Variants in ADAMTS2 observed in about 807,000 individuals in gnomAD.
ADAMTS2 encodes ADAM metallopeptidase with thrombospondin type 1 motif 2.
ADAMTS2 carries 50 observed loss-of-function variants against 123.0 expected under a neutral mutation model. The ratio of observed to expected loss-of-function variants is 0.41; its 90% CI spans 0.32 to 0.51. ADAMTS2 has a LOEUF of 0.51. Among genes scored for constraint, ADAMTS2 ranks in the 20% least tolerant of loss-of-function variants. The pLI is 0.35. For missense variants in ADAMTS2, 1,494 were observed against 1,705.2 expected (o/e 0.88, Z 2.18); for synonymous variants, 678 against 695.4 (o/e 0.98, Z 0.39).
intron 4 of ADAMTS2, among the ~76,000 whole-genome samples, chr5:179,199,505 C>T (rs768346598): frequency 6.6e-6 from 1 of 152,212 alleles, no homozygotes; most frequent in Non-Finnish European, 1.5e-5. Flanking sequence ...TGGAGCAGTG[C>T]ACCAGTAGGA....
At position 179,155,875 on chromosome 5, in the gene ADAMTS2, C is replaced by T. The variant is rs142837414; in HGVS notation, c.1133-956G>A. ...CCCACTGAGAGACCCTGAGGCCACG[C>T]GTTCCACAGAGAAGGGAAGGAGGGC... On this transcript the variant is annotated intron_variant, in intron 6 of 21. Transcript: ENST00000251582. This position sits in a 1 kb window ranked among gnomAD's most constrained non-coding sequence, Gnocchi z 5.1. 3.6e-4 allele frequency among the ~76,000 whole-genome samples: 55 copies of T among 152,244 alleles called. No homozygotes were observed. The East Asian group carries it at 0.01, about 28-fold the overall frequency.
At chr5:179,150,543 G>C (rs558317977) in intron 10 of ADAMTS2, among the ~76,000 whole-genome samples, 142 of 152,260 alleles carry the variant, frequency 9.3e-4, no homozygotes, top group Non-Finnish European at 1.7e-3. Flanking sequence ...TGGAGAAACG[G>C]ATACACCAAA....
At chr5:179,116,252 AC>A (rs1762655222) in intron 21 of ADAMTS2, among the ~76,000 whole-genome samples, 1 of 137,074 alleles carries the variant, frequency 7.3e-6, no homozygotes, top group South Asian at 2.8e-4. Context: ...TGAAGATGTG[AC>A]CACGGCACCC....
Position 179,128,215 on chromosome 5 carries a change from T to TCGGC in ADAMTS2, c.2458-98_2458-97insGCCG. The TCGGC allele has an allele frequency of 6.8e-7, 1 of 1,462,792 alleles. No individual in the cohort carries two copies. The highest frequency in any genetic ancestry group is 9.4e-7 in the Non-Finnish European group (1 of 1,065,352). 90.6% of individuals were successfully genotyped at this position (1,462,792 alleles called of 1,614,324 possible). A position where few individuals can be genotyped will look rare whatever the true frequency, so the allele number is the denominator to read the frequency against. On this transcript the variant is annotated intron_variant, in intron 16 of 21. Transcript: ENST00000251582. This position sits in a 1 kb window ranked among gnomAD's most constrained non-coding sequence, Gnocchi z 4.9. Reference sequence around the variant, plus strand: ...GCAGCTGAGGCCGACTCCAGAGGAGTCTCATCATTCATGGCAGTTACATTC... The same window carrying TCGGC: ...GCAGCTGAGGCCGACTCCAGAGGAGTCGGCCTCATCATTCATGGCAGTTACATTC...
intron 3 of ADAMTS2, among the ~76,000 whole-genome samples, chr5:179,219,072 C>T (rs1765068055): frequency 6.6e-6 from 1 of 152,208 alleles, no homozygotes. Context: ...AATCCCACTG[C>T]ACCCCAGCTC....
intron 5 of ADAMTS2, among the ~76,000 whole-genome samples, chr5:179,169,413 A>G (rs938165201): frequency 6.6e-6 from 1 of 152,188 alleles, no homozygotes; most frequent in Non-Finnish European, 1.5e-5. Context: ...TTGCAGCCCA[A>G]ACAGACTAAG....
chr5:179,271,511 C>T (rs1428913635), intron 3 of ADAMTS2, among the ~76,000 whole-genome samples: 1 of 152,250 alleles, frequency 6.6e-6, no homozygotes, highest in Non-Finnish European at 1.5e-5. Context: ...GGGTCTGGAG[C>T]ACTCGCTCAG....
intron 17 of ADAMTS2, among the ~76,000 whole-genome samples, chr5:179,127,548 C>T (rs1762880743): frequency 6.6e-6 from 1 of 152,118 alleles, no homozygotes; most frequent in South Asian, 2.1e-4. Context: ...GTCCCAGAAA[C>T]ATCTGGGAGG....
At chr5:179,154,750 G>A (rs368683593) in intron 7 of ADAMTS2, 64 bp downstream of exon 7, 27 of 1,355,314 alleles carry the variant, frequency 2.0e-5, no homozygotes, top group South Asian at 1.1e-4. Context: ...AGGAGAAGTG[G>A]GCAGCCAGGG....
Position 179,250,790 on chromosome 5 carries a change from A to G in ADAMTS2, c.688+22121T>C, listed in dbSNP as rs1295312117. On this transcript the variant is annotated intron_variant, in intron 3 of 21. Coordinates refer to ENST00000251582, the MANE Select transcript of ADAMTS2 (RefSeq NM_014244.5). ...TGTACATCTGCTCCTAACTTTCGAAACCTGGCTGATGGGAGGCCAATGTCA... is the reference window on the plus strand; with the variant it reads ...TGTACATCTGCTCCTAACTTTCGAAGCCTGGCTGATGGGAGGCCAATGTCA... Among the ~76,000 whole-genome samples the G allele has an allele frequency of 2.0e-5, 3 of 152,120 alleles. No homozygotes were observed. In the East Asian group the frequency reaches 5.8e-4, roughly 29 times the overall value.
At chr5:179,240,285 C>G (rs561741203) in intron 3 of ADAMTS2, among the ~76,000 whole-genome samples, 5 of 152,138 alleles carry the variant, frequency 3.3e-5, no homozygotes, top group African/African-American at 4.8e-5. Context: ...CAGGGGTACC[C>G]GTGCCAGCAT....
chr5:179,337,103 C>T (rs1203855608), intron 2 of ADAMTS2, among the ~76,000 whole-genome samples: 1 of 152,192 alleles, frequency 6.6e-6, no homozygotes, highest in Non-Finnish European at 1.5e-5. Context: ...ACCGCAGACC[C>T]TGTGGACAGC....
Position 179,139,870 on chromosome 5 carries a change from G to C in ADAMTS2, c.1775+20C>G, listed in dbSNP as rs201096331. On this transcript the variant is annotated intron_variant, in intron 11 of 21. Transcript: ENST00000251582. The stretch of plus-strand genomic sequence containing the variant: ...TCAGCTGCCACTCAGCAAGGCCAGG[G>C]GGACATGGGGCCAACTCACTGTGGG... The C allele has an allele frequency of 5.0e-6, 8 of 1,611,532 alleles. No homozygotes were observed. The highest frequency in any genetic ancestry group is 5.9e-6 in the Non-Finnish European group (7 of 1,179,900).
chr5:179,288,936 C>A (rs938907706), intron 2 of ADAMTS2, among the ~76,000 whole-genome samples: 2 of 152,262 alleles, frequency 1.3e-5, no homozygotes, highest in Non-Finnish European at 1.5e-5. Context: ...GGCATCCATA[C>A]CGCAGCACAG....
chr5:179,174,942 T>C (rs966718877), intron 5 of ADAMTS2, among the ~76,000 whole-genome samples: 1 of 150,092 alleles, frequency 6.7e-6, no homozygotes, highest in African/African-American at 2.5e-5. Context: ...AGGAAGTCTC[T>C]TCCTTGCTTG....
intron 2 of ADAMTS2, among the ~76,000 whole-genome samples, chr5:179,327,950 T>C (rs1236737626): frequency 6.6e-6 from 1 of 152,070 alleles, no homozygotes; most frequent in African/African-American, 2.4e-5. Context: ...TCATAAAAAG[T>C]CTAGATGCAA....
chr5:179,204,955 A>G (rs1483949352), intron 4 of ADAMTS2, among the ~76,000 whole-genome samples: 1 of 152,256 alleles, frequency 6.6e-6, no homozygotes, highest in Non-Finnish European at 1.5e-5. Flanking sequence ...GACACGGCCC[A>G]AATACTTTCT....
intron 17 of ADAMTS2, among the ~76,000 whole-genome samples, chr5:179,127,005 G>C (rs1054105396): frequency 6.6e-5 from 10 of 152,244 alleles, no homozygotes; most frequent in African/African-American, 2.2e-4. Context: ...CCCAACCCTG[G>C]AGGCCATGAG....
rs1448437878 is a variant in ADAMTS2, at chr5:179,130,202, T to C, written c.2291-104A>G. On this transcript the variant is annotated intron_variant, in intron 15 of 21. Coordinates refer to ENST00000251582, the MANE Select transcript of ADAMTS2 (RefSeq NM_014244.5). This position sits in a 1 kb window ranked among gnomAD's most constrained non-coding sequence, Gnocchi z 4.3. ...GAGTGGGGGCAGCTAGCTGGACCCC[T>C]TGTCTCTCTGGCTGCCCCCGGCCAG... 1 of 1,429,950 alleles carries C rather than the reference T, an allele frequency of 7.0e-7. No individual in the cohort carries two copies. The highest frequency in any genetic ancestry group is 1.4e-5 in the African/African-American group (1 of 71,250). 88.6% of individuals were successfully genotyped at this position (1,429,950 alleles called of 1,614,324 possible). A position where few individuals can be genotyped will look rare whatever the true frequency, so the allele number is the denominator to read the frequency against.
Sources: allele counts gnomAD v4.1 joint callset (sites outside exome capture counted in the v4.1 genomes callset), GRCh38; gene constraint gnomAD v4.1.1; non-coding constraint Gnocchi (gnomAD v3.1); transcripts MANE v1.5; gene names NCBI Gene and HGNC (gene_info 2026-07-23, HGNC 2026-07-21).